The following PCDHA3 variants were observed in gnomAD, a reference collection of about 807,000 sequenced individuals.
The protein encoded by PCDHA3 is protocadherin alpha-3.
Under a neutral mutation model 62.2 loss-of-function variants are expected in PCDHA3, and 41 were observed. The ratio of observed to expected loss-of-function variants is 0.66; its 90% CI spans 0.51 to 0.86. PCDHA3 has a LOEUF of 0.86. Among genes scored for constraint, PCDHA3 ranks in the 40% least tolerant of loss-of-function variants. PCDHA3 has a pLI of 0.00. For missense variants in PCDHA3, 1,304 were observed against 1,241.2 expected (o/e 1.05, Z -0.76); for synonymous variants, 640 against 555.4 (o/e 1.15, Z -2.14).
intron 1 of PCDHA3, among the ~76,000 whole-genome samples, chr5:140,893,177 T>A (rs2063856203): frequency 6.6e-6 from 1 of 152,232 alleles, no homozygotes; most frequent in Admixed American, 6.5e-5. Flanking sequence ...TTCCACATAG[T>A]AGCTATTGTG....
rs868942705 is a variant in PCDHA3 at position 140,935,763 on chromosome 5, C to T, written c.2395-43186C>T. Reference sequence around the variant, plus strand: ...TATTCCATACAATACACATTCTTCCCCACTTTGAGTTTTTTCACTTAAAAA... The same window carrying T: ...TATTCCATACAATACACATTCTTCCTCACTTTGAGTTTTTTCACTTAAAAA... On this transcript the variant is annotated intron_variant, in intron 1 of 3. Coordinates refer to ENST00000522353, the MANE Select transcript of PCDHA3 (RefSeq NM_018906.3). Among the ~76,000 whole-genome samples, 111 of 152,180 alleles carry T rather than the reference C, an allele frequency of 7.3e-4. 1 individual carries two copies. The highest frequency in any genetic ancestry group is 3.4e-3 in the Middle Eastern group (1 of 294).
At chr5:140,829,736 G>T (rs2150173634) in intron 1 of PCDHA3, 2 of 1,613,682 alleles carry the variant, frequency 1.2e-6, no homozygotes, top group South Asian at 1.1e-5. Flanking sequence ...GGGCAGCAAC[G>T]TGACGCTGCA....
At chr5:140,834,412 G>T in intron 1 of PCDHA3, 1 of 1,611,044 alleles carries the variant, frequency 6.2e-7, no homozygotes, top group Non-Finnish European at 8.5e-7. Flanking sequence ...TACGACCCAG[G>T]GGGCCGACAT....
chr5:140,822,642 G>A (rs1554128787), intron 1 of PCDHA3: 5 of 1,610,646 alleles, frequency 3.1e-6, no homozygotes, highest in Non-Finnish European at 3.4e-6. Context: ...ACGATGTAAA[G>A]TCCAAATTTA....
chr5:140,849,995 C>A lies in PCDHA3; in HGVS notation c.2394+46404C>A, dbSNP rs2150462177. ...ACTCGCTGGTGGAGCGGCGGTTGGG[C>A]GAGCGCTCGCTGTCGAGCTACGTGT... On this transcript the variant is annotated intron_variant, in intron 1 of 3. Transcript: ENST00000522353. 5.0e-6 allele frequency: 8 copies of A among 1,597,088 alleles called. 1 individual carries two copies. The East Asian group carries it at 1.3e-4, about 27-fold the overall frequency.
At chr5:140,892,207 A>C (rs1562863208) in intron 1 of PCDHA3, among the ~76,000 whole-genome samples, 1 of 152,110 alleles carries the variant, frequency 6.6e-6, no homozygotes, top group African/African-American at 2.4e-5. Context: ...TGTGTTTTAA[A>C]ATTGTATCTT....
At chr5:140,981,457 C>T (rs910127197) in intron 2 of PCDHA3, among the ~76,000 whole-genome samples, 6 of 152,064 alleles carry the variant, frequency 3.9e-5, no homozygotes, top group African/African-American at 7.2e-5. Context: ...GCCTGTAGTC[C>T]CAGCTACTTG....
At chr5:140,902,551 C>G (rs1022882687) in intron 1 of PCDHA3, among the ~76,000 whole-genome samples, 1 of 151,956 alleles carries the variant, frequency 6.6e-6, no homozygotes, top group African/African-American at 2.4e-5. Context: ...CTTCTATACC[C>G]AGATTTTTGA....
In PCDHA3 at chr5:140,802,408, A is replaced by G. The variant is rs782292816; in HGVS notation, c.1211A>G (p.Tyr404Cys). The G allele has an allele frequency of 3.7e-6, 6 of 1,614,092 alleles. No individual in the cohort carries two copies. In the African/African-American group the frequency reaches 6.7e-5, roughly 18 times the overall value. ...PFKLVSTFKN[Y>C]YSLVLDSPLD... ...AAGCTGGTGTCCACCTTCAAGAATT[A>G]CTACTCATTGGTGCTGGACAGCCCT... Residue 404 changes from tyrosine to cysteine, a missense_variant, in exon 1 of 4, where the codon TAC (tyrosine) becomes TGC (cysteine). Tyr to Cys is a radical substitution (Grantham distance 194). Transcript: ENST00000522353.
intron 1 of PCDHA3, among the ~76,000 whole-genome samples, chr5:140,952,192 G>A (rs572613863): frequency 1.1e-4 from 16 of 152,198 alleles, no homozygotes; most frequent in African/African-American, 3.9e-4. Flanking sequence ...TCATGGGTTG[G>A]TGTTGAATGC....
intron 1 of PCDHA3, chr5:140,855,916 A>G (rs2043673154): frequency 8.4e-7 from 1 of 1,191,010 alleles, no homozygotes. Flanking sequence ...CTCAAGGACT[A>G]GGAAGTAGCG....
At chr5:140,895,709 A>G (rs763607157) in intron 1 of PCDHA3, among the ~76,000 whole-genome samples, 2 of 152,208 alleles carry the variant, frequency 1.3e-5, no homozygotes, top group African/African-American at 2.4e-5. Flanking sequence ...CACTTGGGAT[A>G]ATGGCCTGCA....
intron 1 of PCDHA3, chr5:140,876,782 C>T (rs372500794): frequency 2.5e-6 from 4 of 1,614,096 alleles, no homozygotes; most frequent in African/African-American, 2.7e-5. Flanking sequence ...TCGCTGTGGG[C>T]CACGGCTAGA....
At chr5:140,946,032 A>C (rs1440402875) in intron 1 of PCDHA3, among the ~76,000 whole-genome samples, 2 of 152,102 alleles carry the variant, frequency 1.3e-5, no homozygotes, top group Admixed American at 1.3e-4. Flanking sequence ...AGAAAACAAG[A>C]GTGAAGGGAC....
chr5:140,869,330 A>G (rs1554162906), intron 1 of PCDHA3: 25 of 1,613,778 alleles, frequency 1.5e-5, no homozygotes, highest in Non-Finnish European at 2.0e-5. Context: ...GACCTTCTGG[A>G]GGTAAATCTG....
intron 1 of PCDHA3, chr5:140,842,708 T>A: frequency 6.3e-7 from 1 of 1,595,132 alleles, no homozygotes. Flanking sequence ...GTACACGGTG[T>A]TCGTGAAGGA....
chr5:140,845,256 T>A (rs1349718505), intron 1 of PCDHA3, among the ~76,000 whole-genome samples: 1 of 149,608 alleles, frequency 6.7e-6, no homozygotes, highest in Admixed American at 6.7e-5. Flanking sequence ...GAATAATATG[T>A]GTTTTCCTTT....
intron 3 of PCDHA3, among the ~76,000 whole-genome samples, chr5:141,004,253 C>G (rs1460798910): frequency 6.6e-6 from 1 of 152,200 alleles, no homozygotes; most frequent in Non-Finnish European, 1.5e-5. Flanking sequence ...TTTTGTTTTA[C>G]TGGAATGAGT....
In PCDHA3 at chr5:140,836,084, G is replaced by A. The variant is rs141420166; in HGVS notation, c.2394+32493G>A. On this transcript the variant is annotated intron_variant, in intron 1 of 3. Transcript: ENST00000522353. Reference sequence around the variant, plus strand: ...ACGACAACGCGCCGGCACTGCTGGCGCCTCGGGTGGGTGGCACTGGTGGCG... The same window carrying A: ...ACGACAACGCGCCGGCACTGCTGGCACCTCGGGTGGGTGGCACTGGTGGCG... The A allele has an allele frequency of 2.8e-5, 45 of 1,613,684 alleles. 1 individual carries two copies. The highest frequency in any genetic ancestry group is 3.6e-5 in the Non-Finnish European group (43 of 1,179,784).
Sources: gnomAD v4.1 joint callset for allele counts (sites outside exome capture counted in the v4.1 genomes callset) on GRCh38, gnomAD v4.1.1 for gene constraint, MANE v1.5 for transcripts, NCBI Gene and HGNC (gene_info 2026-07-23, HGNC 2026-07-21) for gene names.